ACVR1B: variants seen among roughly 807,000 people sequenced by gnomAD.
ACVR1B encodes the protein activin A receptor type 1B.
In ACVR1B, 15 loss-of-function variants were observed where a neutral mutation model predicts 55.6. That is an observed-to-expected ratio of 0.27 (90% CI 0.18 to 0.42). The LOEUF (loss-of-function observed/expected upper bound fraction) is 0.42, where lower values mean the gene tolerates loss of function less well. Ranked by LOEUF, ACVR1B falls within the 10% of genes least tolerant of loss-of-function variation. The pLI is 1.00. For synonymous variants in ACVR1B, 247 were observed against 254.6 expected, an observed-to-expected ratio of 0.97 and a Z score of 0.28; for missense variants, 359 against 670.1, an observed-to-expected ratio of 0.54 and a Z score of 5.13.
At chr12:51,987,331 C>G (rs1440041098) in intron 7 of ACVR1B, 1 of 521,706 alleles carries the variant, frequency 1.9e-6, no homozygotes, top group African/African-American at 1.9e-5. Flanking sequence ...ATGGGAAACC[C>G]TGCTGTTTCA....
intron 1 of ACVR1B, among the ~76,000 whole-genome samples, chr12:51,968,305 G>A (rs921303584): frequency 6.6e-6 from 1 of 152,188 alleles, no homozygotes; most frequent in African/African-American, 2.4e-5. Flanking sequence ...AAATTATTTC[G>A]AAGTGAACAA....
intron 1 of ACVR1B, among the ~76,000 whole-genome samples, chr12:51,968,382 TAATA>T (rs1212880549): frequency 5.2e-5 from 8 of 152,388 alleles, no homozygotes; most frequent in African/African-American, 1.9e-4. Context: ...AGTTGGCTTG[TAATA>T]AATGTTATTT....
intron 1 of ACVR1B, among the ~76,000 whole-genome samples, chr12:51,953,872 A>G (rs1237059835): frequency 6.6e-6 from 1 of 152,150 alleles, no homozygotes; most frequent in Non-Finnish European, 1.5e-5. Context: ...AAGGTGGGTG[A>G]GTAAAATAGG....
chr12:51,983,203 A>G (rs954802341), intron 4 of ACVR1B, among the ~76,000 whole-genome samples: 6 of 152,198 alleles, frequency 3.9e-5, no homozygotes, highest in African/African-American at 1.4e-4. Flanking sequence ...CAGTCTTCCA[A>G]TTGACAACGG....
chr12:51,992,143 C>A, intron 8 of ACVR1B, 150 bp downstream of exon 8: 2 of 1,007,604 alleles, frequency 2.0e-6, no homozygotes, highest in Admixed American at 2.5e-5. Context: ...TATCCCAAGC[C>A]CTTTAGGGCT....
intron 7 of ACVR1B, chr12:51,987,407 T>A: frequency 2.4e-6 from 1 of 413,172 alleles, no homozygotes. Flanking sequence ...AAAAGTGAGT[T>A]TTTTCTCCCA....
At chr12:51,974,868 C>T (rs914484153) in intron 1 of ACVR1B, among the ~76,000 whole-genome samples, 60 of 152,266 alleles carry the variant, frequency 3.9e-4, no homozygotes, top group Admixed American at 3.8e-3. Context: ...TGCAGGAAGC[C>T]GTGGGTGTGC....
At position 51,969,616 on chromosome 12, in the gene ACVR1B, A is replaced by G. The variant is rs536907135; in HGVS notation, c.92-5649A>G. ...GAATTTTTTATAGAGGTAAGTATGCATGTGAATAAAGAGAAAGACTTGATC... is the reference window on the plus strand; with the variant it reads ...GAATTTTTTATAGAGGTAAGTATGCGTGTGAATAAAGAGAAAGACTTGATC... On this transcript the variant is annotated intron_variant, in intron 1 of 8. Coordinates refer to ENST00000257963, the MANE Select transcript of ACVR1B (RefSeq NM_004302.5). Among the ~76,000 whole-genome samples the G allele has an allele frequency of 2.6e-5, 4 of 152,364 alleles. No individual in the cohort carries two copies. In the South Asian group the frequency reaches 8.3e-4, roughly 32 times the overall value.
intron 3 of ACVR1B, among the ~76,000 whole-genome samples, chr12:51,978,607 A>G (rs917591206): frequency 1.3e-5 from 2 of 152,092 alleles, no homozygotes; most frequent in South Asian, 2.1e-4. Context: ...AGGTGGGTGG[A>G]TCATGAGGTC....
Position 51,991,924 on chromosome 12 carries a change from G to C in ACVR1B, c.1323G>C (p.Glu441Asp), listed in dbSNP as rs532947331. The C allele has an allele frequency of 2.5e-6, 4 of 1,614,066 alleles. No individual in the cohort carries two copies. Among genetic ancestry groups the C allele is most frequent in the Non-Finnish European group, 1.7e-6 (2 of 1,180,040 alleles). The change falls in exon 8 of 9, where the codon GAG becomes GAC. Residue 441 changes from glutamate to aspartate, a missense_variant. This residue lies in a region of ACVR1B where 119 missense variants were observed against 340.2 expected (regional missense o/e 0.35). Coordinates refer to ENST00000257963, the MANE Select transcript of ACVR1B (RefSeq NM_004302.5). ...YDLVPSDPSIEEMRKVVCDQK... is the reference protein window; with the variant it reads ...YDLVPSDPSIDEMRKVVCDQK... ...TAGTGCCCTCTGACCCTTCCATTGAGGAAATGCGAAAGGTTGTATGTGATC... is the reference window on the plus strand; with the variant it reads ...TAGTGCCCTCTGACCCTTCCATTGACGAAATGCGAAAGGTTGTATGTGATC...
At position 51,976,469 on chromosome 12, in the gene ACVR1B, C is replaced by T. The variant is rs2120614707; in HGVS notation, c.474C>T (p.Asn158=). 2 of 1,614,162 alleles carry T rather than the reference C, an allele frequency of 1.2e-6. No homozygotes were observed. The highest frequency in any genetic ancestry group is 1.7e-6 in the Non-Finnish European group (2 of 1,180,032). Residue 158 remains asparagine, a synonymous_variant, in exon 3 of 9, where the codon AAC becomes AAT. Coordinates refer to ENST00000257963, the MANE Select transcript of ACVR1B (RefSeq NM_004302.5). Reference sequence around the variant, plus strand: ...ACTATCATCAGCGTGTCTATCACAACCGCCAGAGACTGGACATGGAAGATC... The same window carrying T: ...ACTATCATCAGCGTGTCTATCACAATCGCCAGAGACTGGACATGGAAGATC... The part of the protein sequence containing the change: ...VINYHQRVYH[N]RQRLDMEDPS...
intron 1 of ACVR1B, among the ~76,000 whole-genome samples, chr12:51,960,597 T>A (rs1340244666): frequency 6.6e-6 from 1 of 152,224 alleles, no homozygotes; most frequent in Non-Finnish European, 1.5e-5. Context: ...GTAGTTATTC[T>A]TTGAGGGGCT....
Position 51,994,424 on chromosome 12 carries a change from G to A in ACVR1B, c.*314G>A. On this transcript the variant is annotated 3_prime_UTR_variant, in exon 9 of 9. Coordinates refer to ENST00000257963, the MANE Select transcript of ACVR1B (RefSeq NM_004302.5). The surrounding 1 kb of genome is among the most constrained non-coding windows in gnomAD (Gnocchi z 4.2). ...CGGTGCATCTGGCACGTGGCCAGGA[G>A]CCATGACAGGGGCGCTTGGGAGGGG... 6.0e-6 allele frequency: 2 copies of A among 333,252 alleles called. No individual in the cohort carries two copies. Among genetic ancestry groups the A allele is most frequent in the South Asian group, 3.2e-5 (1 of 31,514 alleles). The allele number at this position is 333,252 out of a possible 1,614,324, so 20.6% of individuals were successfully genotyped here.
At chr12:51,968,200 T>G (rs1941677195) in intron 1 of ACVR1B, among the ~76,000 whole-genome samples, 1 of 152,206 alleles carries the variant, frequency 6.6e-6, no homozygotes, top group Admixed American at 6.5e-5. Context: ...ACCATGGCAT[T>G]CCAGCCTGGG....
intron 3 of ACVR1B, 93 bp downstream of exon 3, chr12:51,976,668 A>G (rs916809323): frequency 2.6e-5 from 39 of 1,498,100 alleles, no homozygotes; most frequent in South Asian, 2.5e-4. Context: ...GAGGCCCTGC[A>G]TTTGTTTCTA....
chr12:51,986,523 G>A (rs1942079444), intron 6 of ACVR1B, among the ~76,000 whole-genome samples: 1 of 152,196 alleles, frequency 6.6e-6, no homozygotes, highest in African/African-American at 2.4e-5. Flanking sequence ...GCCTCCCAAA[G>A]TGCTGGGATT....
intron 8 of ACVR1B, among the ~76,000 whole-genome samples, chr12:51,993,672 CAGG>C (rs1287189217): frequency 6.9e-6 from 1 of 144,262 alleles, no homozygotes; most frequent in Non-Finnish European, 1.5e-5. Context: ...GAGGCTGAGA[CAGG>C]AGAATCACTT....
chr12:51,984,287 GTTTAA>G, intron 5 of ACVR1B, 121 bp downstream of exon 5: 1 of 1,198,292 alleles, frequency 8.3e-7, no homozygotes, highest in African/African-American at 1.5e-5. Flanking sequence ...AGGAACTCTA[GTTTAA>G]TTTAAAGGAA....
chr12:51,958,541 A>G (rs1324438628), intron 1 of ACVR1B, among the ~76,000 whole-genome samples: 9 of 151,880 alleles, frequency 5.9e-5, no homozygotes, highest in East Asian at 1.9e-4. Flanking sequence ...TCAGCTACTC[A>G]GGAGGCTGAG....
Sources: gnomAD v4.1 joint callset for allele counts (sites outside exome capture counted in the v4.1 genomes callset) on GRCh38, gnomAD v4.1.1 for gene constraint, gnomAD v4.1.1 regional missense constraint, Gnocchi (gnomAD v3.1) non-coding constraint, MANE v1.5 for transcripts, NCBI Gene and HGNC (gene_info 2026-07-23, HGNC 2026-07-21) for gene names.